Variants in PCP4L1 observed in about 807,000 individuals in gnomAD.
PCP4L1 encodes Purkinje cell protein 4-like protein 1.
A neutral mutation model predicts 9.6 loss-of-function variants in PCP4L1; 9 were observed. The observed-to-expected ratio is 0.94, with a 90% CI of 0.57 to 1.64. The LOEUF (loss-of-function observed/expected upper bound fraction) is 1.64. Among genes scored for constraint, PCP4L1 ranks in the 40% most tolerant of loss-of-function variants. The probability of loss-of-function intolerance (pLI) is 0.00; values close to 1 mark genes in which losing one functional copy is unlikely to be tolerated. For missense variants in PCP4L1, 81 were observed against 80.8 expected, an observed-to-expected ratio of 1.00 and a Z score of -0.01; for synonymous variants, 31 against 28.2, an observed-to-expected ratio of 1.10 and a Z score of -0.31.
chr1:161,265,481 C>T (rs1198757945), intron 1 of PCP4L1, among the ~76,000 whole-genome samples: 1 of 152,034 alleles, frequency 6.6e-6, no homozygotes, highest in Admixed American at 6.6e-5. Context: ...CGTGATTGTG[C>T]CACTGCATTC....
chr1:161,275,449 GA>G (rs1558144843), intron 1 of PCP4L1, among the ~76,000 whole-genome samples: 1 of 148,056 alleles, frequency 6.8e-6, no homozygotes, highest in Non-Finnish European at 1.5e-5. Context: ...CCAGGAGGCA[GA>G]GCTTGCAATG....
chr1:161,284,491 C>T lies in PCP4L1; in HGVS notation c.*10C>T. The T allele has an allele frequency of 6.2e-7, 1 of 1,609,770 alleles. No individual in the cohort carries two copies. The highest frequency in any genetic ancestry group is 8.5e-7 in the Non-Finnish European group (1 of 1,177,912). On this transcript the variant is annotated 3_prime_UTR_variant, in exon 3 of 3. Transcript: ENST00000504449. ...GGATCCCAGCTCCTGAATGGCCAGG[C>T]TTGCCCTTCACCTTCACCTTCATGC...
At position 161,258,959 on chromosome 1, in the gene PCP4L1, C is replaced by T. The variant is rs1252449046; in HGVS notation, c.-16C>T. ...CTGTGCGTGCAGCGCCTCGCGCGCC[C>T]TGTCCGGCTGCGGAGATGAGCGAGG... On this transcript the variant is annotated 5_prime_UTR_variant, in exon 1 of 3. Transcript: ENST00000504449. 3.9e-6 allele frequency: 6 copies of T among 1,534,450 alleles called. No individual in the cohort carries two copies. The South Asian group carries it at 6.0e-5, about 15-fold the overall frequency.
intron 1 of PCP4L1, among the ~76,000 whole-genome samples, chr1:161,264,086 T>G (rs555821532): frequency 5.5e-4 from 83 of 151,262 alleles, no homozygotes; most frequent in Middle Eastern, 6.8e-3. Context: ...ATTTTTGTAT[T>G]TTTTTTAGTA....
chr1:161,280,081 C>T (rs1484845782), intron 1 of PCP4L1, among the ~76,000 whole-genome samples: 1 of 152,212 alleles, frequency 6.6e-6, no homozygotes, highest in Admixed American at 6.5e-5. Context: ...CTCCAGCAAT[C>T]CTATCACTGT....
chr1:161,285,217 ACT>A lies in PCP4L1; in HGVS notation c.*737_*738del, dbSNP rs548505383. On this transcript the variant is annotated 3_prime_UTR_variant, in exon 3 of 3. Transcript: ENST00000504449. ...AAGGGGGAAATCTCTGAATTTTTTT[ACT>A]GCTGGGAAAAGTGTACTACATGAAG... The A allele has an allele frequency of 1.8e-3, 277 of 152,472 alleles. 1 individual carries two copies. Among genetic ancestry groups the A allele is most frequent in the Middle Eastern group, 0.014 (4 of 296 alleles). The allele number at this position is 152,472 out of a possible 1,614,324, so 9.4% of individuals were successfully genotyped here. A position where few individuals can be genotyped will look rare whatever the true frequency, so the allele number is the denominator to read the frequency against.
At chr1:161,266,459 A>C (rs536148895) in intron 1 of PCP4L1, among the ~76,000 whole-genome samples, 1 of 152,270 alleles carries the variant, frequency 6.6e-6, no homozygotes, top group East Asian at 1.9e-4. Context: ...ACCACTCATT[A>C]AACTGTGGCA....
chr1:161,263,491 G>A (rs996352288), intron 1 of PCP4L1, among the ~76,000 whole-genome samples: 2 of 151,966 alleles, frequency 1.3e-5, no homozygotes, highest in South Asian at 4.1e-4. Context: ...TGCCCACCTC[G>A]GCTCCCAAAG....
intron 1 of PCP4L1, among the ~76,000 whole-genome samples, chr1:161,262,960 A>G (rs1195421746): frequency 6.6e-6 from 1 of 152,246 alleles, no homozygotes; most frequent in Non-Finnish European, 1.5e-5. Flanking sequence ...ATTCTTCAAA[A>G]TAGAAAGATA....
chr1:161,283,872 C>A, intron 2 of PCP4L1, 150 bp downstream of exon 2: 1 of 745,636 alleles, frequency 1.3e-6, no homozygotes, highest in African/African-American at 1.8e-5. Flanking sequence ...AACTACAGTA[C>A]TATATCTATA....
chr1:161,279,701 A>C (rs1392255559), intron 1 of PCP4L1, among the ~76,000 whole-genome samples: 1 of 152,256 alleles, frequency 6.6e-6, no homozygotes, highest in African/African-American at 2.4e-5. Flanking sequence ...AAGTACTTAA[A>C]ATTGTGAGGT....
In PCP4L1 at chr1:161,284,390, A is replaced by G; in HGVS notation, c.116A>G (p.Asp39Gly). ...KAEEEEEIDIDLTAPETEKAA... is the reference protein window; with the variant it reads ...KAEEEEEIDIGLTAPETEKAA... The stretch of plus-strand genomic sequence containing the variant: ...GAGGAGGAGGAGGAGATTGACATTG[A>G]TCTGACAGCACCAGAAACAGAGAAG... Residue 39 changes from aspartate (D) to glycine (G), a missense_variant, in exon 3 of 3, where the codon GAT becomes GGT. Asp to Gly is a moderately conservative substitution (Grantham distance 94). Coordinates refer to ENST00000504449, the MANE Select transcript of PCP4L1 (RefSeq NM_001102566.2). 6.2e-7 allele frequency: 1 copy of G among 1,613,994 alleles called. No homozygotes were observed. The highest frequency in any genetic ancestry group is 8.5e-7 in the Non-Finnish European group (1 of 1,179,884).
At chr1:161,266,213 T>G (rs1669527899) in intron 1 of PCP4L1, among the ~76,000 whole-genome samples, 1 of 152,164 alleles carries the variant, frequency 6.6e-6, no homozygotes, top group Admixed American at 6.5e-5. Flanking sequence ...CATTTATCGT[T>G]CTGTTGTCCT....
chr1:161,279,082 C>T (rs1669752352), intron 1 of PCP4L1, among the ~76,000 whole-genome samples: 1 of 152,170 alleles, frequency 6.6e-6, no homozygotes, highest in East Asian at 1.9e-4. Flanking sequence ...TGCATCTGGC[C>T]CATGATGATT....
At chr1:161,262,455 AAG>A (rs1491466545) in intron 1 of PCP4L1, among the ~76,000 whole-genome samples, 6 of 149,964 alleles carry the variant, frequency 4.0e-5, no homozygotes, top group African/African-American at 1.5e-4. Context: ...AAAAAAAAAA[AAG>A]AAATGCCTTC....
intron 1 of PCP4L1, among the ~76,000 whole-genome samples, chr1:161,282,100 G>A (rs1669829345): frequency 6.6e-6 from 1 of 152,174 alleles, no homozygotes; most frequent in South Asian, 2.1e-4. Flanking sequence ...GGGCACCATT[G>A]AGCACTGAGT....
At chr1:161,267,476 G>T (rs1323765630) in intron 1 of PCP4L1, among the ~76,000 whole-genome samples, 1 of 152,204 alleles carries the variant, frequency 6.6e-6, no homozygotes, top group East Asian at 1.9e-4. Context: ...CTAACTCACT[G>T]CTTGGAGCAG....
chr1:161,283,041 TA>T (rs1276101801), intron 1 of PCP4L1, among the ~76,000 whole-genome samples: 6 of 152,104 alleles, frequency 3.9e-5, no homozygotes, highest in Admixed American at 3.3e-4. Context: ...TCAAACTCCT[TA>T]AAAAGACTTC....
chr1:161,263,940 C>T (rs1343955991), intron 1 of PCP4L1, among the ~76,000 whole-genome samples: 8 of 111,856 alleles, frequency 7.2e-5, no homozygotes, highest in South Asian at 3.2e-4. Context: ...GATGGAGTCT[C>T]ACTCTGTCGC....
Sources: gnomAD v4.1 joint callset for allele counts (sites outside exome capture counted in the v4.1 genomes callset) on GRCh38, gnomAD v4.1.1 for gene constraint, MANE v1.5 for transcripts, NCBI Gene and HGNC (gene_info 2026-07-23, HGNC 2026-07-21) for gene names.